The following MACROD2 variants were observed in gnomAD, a reference collection of about 807,000 sequenced individuals.
The protein encoded by MACROD2 is mono-ADP ribosylhydrolase 2.
Under a neutral mutation model 70.4 loss-of-function variants are expected in MACROD2, and 36 were observed. The ratio of observed to expected loss-of-function variants is 0.51; its 90% CI spans 0.39 to 0.68. The LOEUF (loss-of-function observed/expected upper bound fraction) is 0.68, where lower values mean the gene tolerates loss of function less well. Among genes scored for constraint, MACROD2 ranks in the 30% least tolerant of loss-of-function variants. MACROD2 has a pLI of 0.00. For missense variants in MACROD2, 496 were observed against 538.4 expected (o/e 0.92, Z 0.78); for synonymous variants, 172 against 178.8 (o/e 0.96, Z 0.30).
At chr20:14,299,078 A>C (rs1489934363) in intron 3 of MACROD2, among the ~76,000 whole-genome samples, 1 of 152,176 alleles carries the variant, frequency 6.6e-6, no homozygotes, top group African/African-American at 2.4e-5. Flanking sequence ...TAGTTTTGAA[A>C]GAAGTTTTAC....
intron 15 of MACROD2, among the ~76,000 whole-genome samples, chr20:15,992,380 CA>C (rs1281280218): frequency 6.6e-6 from 1 of 152,144 alleles, no homozygotes. Context: ...CTTCTAATCT[CA>C]GGCTCCAAGC....
intron 15 of MACROD2, among the ~76,000 whole-genome samples, chr20:16,023,890 G>A (rs1481410755): frequency 6.6e-6 from 1 of 152,124 alleles, no homozygotes; most frequent in East Asian, 1.9e-4. Flanking sequence ...AGGACCCCTG[G>A]GCTGTCCTCT....
chr20:14,295,423 C>T (rs1399435395), intron 3 of MACROD2, among the ~76,000 whole-genome samples: 1 of 151,864 alleles, frequency 6.6e-6, no homozygotes, highest in Non-Finnish European at 1.5e-5. Flanking sequence ...AGCTTCCTCT[C>T]TGAGGCTGAT....
intron 3 of MACROD2, among the ~76,000 whole-genome samples, chr20:14,285,427 G>A (rs1445117024): frequency 6.6e-6 from 1 of 152,122 alleles, no homozygotes; most frequent in Non-Finnish European, 1.5e-5. Context: ...GAATTTTGGA[G>A]CATTTCAGAT....
intron 5 of MACROD2, among the ~76,000 whole-genome samples, chr20:14,938,827 G>T (rs753026001): frequency 1.3e-5 from 2 of 151,676 alleles, no homozygotes; most frequent in Non-Finnish European, 2.9e-5. Context: ...CAGGGAGAGA[G>T]ATTTCTTCTG....
intron 3 of MACROD2, among the ~76,000 whole-genome samples, chr20:14,402,531 G>A (rs1379824173): frequency 6.6e-6 from 1 of 152,154 alleles, no homozygotes; most frequent in Admixed American, 6.5e-5. Flanking sequence ...CTGTGTCTGT[G>A]TGTGTGTGAG....
At chr20:15,146,464 A>G (rs542401022) in intron 5 of MACROD2, among the ~76,000 whole-genome samples, 1 of 152,258 alleles carries the variant, frequency 6.6e-6, no homozygotes, top group Admixed American at 6.5e-5. Flanking sequence ...GTAACATACT[A>G]TTTGTCCAAT....
intron 5 of MACROD2, among the ~76,000 whole-genome samples, chr20:15,124,294 G>C (rs1197423547): frequency 6.7e-6 from 1 of 150,060 alleles, no homozygotes; most frequent in Admixed American, 6.6e-5. Context: ...GTCACTACCA[G>C]ATATGTTATT....
chr20:15,221,238 C>CATATTG (rs2076858671), intron 5 of MACROD2, among the ~76,000 whole-genome samples: 1 of 152,160 alleles, frequency 6.6e-6, no homozygotes, highest in Non-Finnish European at 1.5e-5. Flanking sequence ...GAACAAAGAT[C>CATATTG]TTATTATCAT....
chr20:15,210,035 G>T (rs868656985), intron 5 of MACROD2, among the ~76,000 whole-genome samples: 1 of 152,188 alleles, frequency 6.6e-6, no homozygotes. Context: ...GAGGGCTTCA[G>T]ATCTTCTGAT....
Position 15,126,381 on chromosome 20 carries a change from C to A in MACROD2, c.419-103559C>A, listed in dbSNP as rs2076067263. ...GTTTTTGCTTGTTTGATTATAGCCA[C>A]CCTAGTAGGTGTGATGTGTTTGATT... On this transcript the variant is annotated intron_variant, in intron 5 of 17. Transcript: ENST00000684519. Among the ~76,000 whole-genome samples, 2 of 151,730 alleles carry A rather than the reference C, an allele frequency of 1.3e-5. 1 individual carries two copies. Among genetic ancestry groups the A allele is most frequent in the South Asian group, 4.2e-4 (2 of 4,800 alleles).
At chr20:15,560,230 A>C (rs938958569) in intron 8 of MACROD2, among the ~76,000 whole-genome samples, 2 of 152,172 alleles carry the variant, frequency 1.3e-5, no homozygotes, top group African/African-American at 4.8e-5. Context: ...AGGAGACCCA[A>C]ATTTGACTCC....
At chr20:15,442,305 T>C (rs1194545294) in intron 7 of MACROD2, among the ~76,000 whole-genome samples, 1 of 152,138 alleles carries the variant, frequency 6.6e-6, no homozygotes, top group Admixed American at 6.6e-5. Flanking sequence ...TTAGTTAGGG[T>C]AAAGTTAAAC....
At chr20:14,980,269 G>T (rs903663233) in intron 5 of MACROD2, among the ~76,000 whole-genome samples, 17 of 152,094 alleles carry the variant, frequency 1.1e-4, no homozygotes, top group African/African-American at 4.1e-4. Flanking sequence ...TAGGTTAGTA[G>T]ATTAATGAGT....
intron 5 of MACROD2, among the ~76,000 whole-genome samples, chr20:15,206,719 A>ATTTTTTTTTT (rs1568636094): frequency 2.1e-5 from 1 of 48,130 alleles, no homozygotes; most frequent in Non-Finnish European, 3.9e-5. Flanking sequence ...CATATTATCT[A>ATTTTTTTTTT]TGTTTTTTTT....
intron 4 of MACROD2, among the ~76,000 whole-genome samples, chr20:14,639,782 C>G (rs750703290): frequency 1.3e-5 from 2 of 152,094 alleles, no homozygotes; most frequent in Non-Finnish European, 2.9e-5. Flanking sequence ...AGTTTCAGGA[C>G]CACTTAAGTA....
intron 8 of MACROD2, among the ~76,000 whole-genome samples, chr20:15,817,488 T>C (rs955525804): frequency 2.0e-5 from 3 of 152,250 alleles, no homozygotes; most frequent in Non-Finnish European, 2.9e-5. Context: ...AACTCACTTA[T>C]GCAAGCTTGA....
chr20:14,804,660 G>T (rs1281992440), intron 5 of MACROD2, among the ~76,000 whole-genome samples: 1 of 151,916 alleles, frequency 6.6e-6, no homozygotes, highest in Non-Finnish European at 1.5e-5. Context: ...TTCTGATAGT[G>T]CTTCTCCCTT....
chr20:14,019,384 G>C (rs2053038865), intron 2 of MACROD2, among the ~76,000 whole-genome samples: 1 of 152,138 alleles, frequency 6.6e-6, no homozygotes, highest in South Asian at 2.1e-4. Flanking sequence ...CGTTTCTCCT[G>C]TCTCAGCCTT....
Sources: gnomAD v4.1 joint callset for allele counts (sites outside exome capture counted in the v4.1 genomes callset) on GRCh38, gnomAD v4.1.1 for gene constraint, MANE v1.5 for transcripts, NCBI Gene and HGNC (gene_info 2026-07-23, HGNC 2026-07-21) for gene names.